Variants in PELO observed in about 807,000 individuals in gnomAD.
PELO encodes pelota mRNA surveillance and ribosome rescue factor.
Under a neutral mutation model 25.9 loss-of-function variants are expected in PELO, and 19 were observed. The ratio of observed to expected loss-of-function variants is 0.73; its 90% CI spans 0.51 to 1.08. The LOEUF (loss-of-function observed/expected upper bound fraction) is 1.08, where lower values mean the gene tolerates loss of function less well. Among genes scored for constraint, PELO ranks in the 50% least tolerant of loss-of-function variants. The pLI is 0.00. For synonymous variants in PELO, 196 were observed against 192.2 expected, an observed-to-expected ratio of 1.02 and a Z score of -0.16; for missense variants, 498 against 491.4, an observed-to-expected ratio of 1.01 and a Z score of -0.13.
rs150767441 is a variant in PELO, at chr5:52,800,730, G to C, written c.336G>C (p.Leu112=). 2.0e-4 allele frequency: 322 copies of C among 1,614,104 alleles called. No homozygotes were observed. Among genetic ancestry groups the C allele is most frequent in the Non-Finnish European group, 2.6e-4 (302 of 1,180,044 alleles). Reference sequence around the variant, plus strand: ...TGGAGCCCAACCGCCAGTTCACCCTGGCCAAGAAGCAGTGGGATAGTGTGG... The same window carrying C: ...TGGAGCCCAACCGCCAGTTCACCCTCGCCAAGAAGCAGTGGGATAGTGTGG... ...IELEPNRQFT[L]AKKQWDSVVL... is the part of the protein sequence containing the mutation. The change falls in exon 2 of 3, where the codon CTG becomes CTC. Residue 112 remains leucine, a synonymous_variant. Coordinates refer to ENST00000274311, the MANE Select transcript of PELO (RefSeq NM_015946.5).
Position 52,800,641 on chromosome 5 carries a change from G to A in PELO, c.247G>A (p.Val83Ile). The change falls in exon 2 of 3, where the codon GTT becomes ATT. Residue 83 changes from valine (V) to isoleucine (I), a missense_variant. Coordinates refer to ENST00000274311, the MANE Select transcript of PELO (RefSeq NM_015946.5). ...CGACTCTCAAGCCTGCCAGCTGCGG[G>A]TTAAGGGGACCAACATCCAAGAGAA... ...DFDSQACQLR[V>I]KGTNIQENEY... 6.2e-7 allele frequency: 1 copy of A among 1,614,148 alleles called. No homozygotes were observed. Among genetic ancestry groups the A allele is most frequent in the Non-Finnish European group, 8.5e-7 (1 of 1,180,010 alleles).
intron 1 of PELO, among the ~76,000 whole-genome samples, chr5:52,791,306 G>C (rs1748234271): frequency 6.6e-6 from 1 of 152,136 alleles, no homozygotes; most frequent in African/African-American, 2.4e-5. Flanking sequence ...AAAAGAACCT[G>C]AAGCAAGGTG....
chr5:52,792,911 C>G (rs1327238814), intron 1 of PELO, among the ~76,000 whole-genome samples: 1 of 152,126 alleles, frequency 6.6e-6, no homozygotes, highest in Non-Finnish European at 1.5e-5. Context: ...AAAGCAAGTA[C>G]AGTAGAGTAT....
chr5:52,803,365 T>C lies in PELO; in HGVS notation c.*1525T>C, dbSNP rs1049920449. 1.3e-5 allele frequency: 2 copies of C among 152,216 alleles called. No homozygotes were observed. Among genetic ancestry groups the C allele is most frequent in the African/African-American group, 4.8e-5 (2 of 41,456 alleles). The allele number at this position is 152,216 out of a possible 1,614,324, so 9.4% of individuals were successfully genotyped here. ...TACTATCAAATATGTTACTAAATAATTTAATAAGAATATAGAAATGAAGCC... is the reference window on the plus strand; with the variant it reads ...TACTATCAAATATGTTACTAAATAACTTAATAAGAATATAGAAATGAAGCC... On this transcript the variant is annotated 3_prime_UTR_variant, in exon 3 of 3. Coordinates refer to ENST00000274311, the MANE Select transcript of PELO (RefSeq NM_015946.5).
At chr5:52,799,109 G>C (rs1447528791) in intron 1 of PELO, among the ~76,000 whole-genome samples, 1 of 152,136 alleles carries the variant, frequency 6.6e-6, no homozygotes, top group African/African-American at 2.4e-5. Flanking sequence ...AGAAAAGACA[G>C]TGAGAAGCTA....
intron 1 of PELO, among the ~76,000 whole-genome samples, chr5:52,791,224 G>C (rs1225950838): frequency 6.6e-6 from 1 of 152,328 alleles, no homozygotes; most frequent in East Asian, 1.9e-4. Flanking sequence ...GTTTCATAAA[G>C]TGACAGTTTA....
At chr5:52,799,287 G>T (rs573360244) in intron 1 of PELO, among the ~76,000 whole-genome samples, 1 of 152,284 alleles carries the variant, frequency 6.6e-6, no homozygotes, top group South Asian at 2.1e-4. Context: ...AAATTATGTA[G>T]CTATTCAATC....
rs1020838450 is a variant in PELO at position 52,800,333 on chromosome 5, C to T, written c.-62C>T. ...TGGCCTGCATTCCCATCCCCTCTCC[C>T]GGGGCGGAGGTGAGGACCTCCTTGG... On this transcript the variant is annotated 5_prime_UTR_variant, in exon 2 of 3. Transcript: ENST00000274311. The T allele has an allele frequency of 1.8e-5, 29 of 1,589,164 alleles. No homozygotes were observed. In the East Asian group the frequency reaches 4.7e-4, roughly 26 times the overall value.
At chr5:52,791,562 C>T (rs11750032) in intron 1 of PELO, among the ~76,000 whole-genome samples, 9,583 of 152,270 alleles carry the variant, frequency 0.063, 384 homozygotes, top group Non-Finnish European at 0.082. Flanking sequence ...ATCCAACCTT[C>T]CAGAGAACAA....
Position 52,788,309 on chromosome 5 carries a change from C to T in PELO, c.-616C>T. The T allele has an allele frequency of 6.9e-7, 1 of 1,459,746 alleles. No homozygotes were observed. Among genetic ancestry groups the T allele is most frequent in the Non-Finnish European group, 9.1e-7 (1 of 1,104,470 alleles). The allele number at this position is 1,459,746 out of a possible 1,614,324, so 90.4% of individuals were successfully genotyped here. A position where few individuals can be genotyped will look rare whatever the true frequency, so the allele number is the denominator to read the frequency against. Reference sequence around the variant, plus strand: ...AGCGCAGCTCCCGCGCCCGGTCCTGCCCTGCGAACCAGCGCGGCCCCCTGG... The same window carrying T: ...AGCGCAGCTCCCGCGCCCGGTCCTGTCCTGCGAACCAGCGCGGCCCCCTGG... On this transcript the variant is annotated 5_prime_UTR_variant, in exon 1 of 3. Coordinates refer to ENST00000274311, the MANE Select transcript of PELO (RefSeq NM_015946.5).
Position 52,788,360 on chromosome 5 carries a change from C to G in PELO, c.-565C>G, listed in dbSNP as rs1748166570. 1 of 1,510,152 alleles carries G rather than the reference C, an allele frequency of 6.6e-7. No individual in the cohort carries two copies. Among genetic ancestry groups the G allele is most frequent in the Non-Finnish European group, 8.8e-7 (1 of 1,133,752 alleles). 93.5% of individuals were successfully genotyped at this position (1,510,152 alleles called of 1,614,324 possible). ...CGCTGAGGCTGCTCCGGCCATGGCCCCTCGGCCCCGCGCCCGCCCAGGGGT... is the reference window on the plus strand; with the variant it reads ...CGCTGAGGCTGCTCCGGCCATGGCCGCTCGGCCCCGCGCCCGCCCAGGGGT... On this transcript the variant is annotated 5_prime_UTR_variant, in exon 1 of 3. Coordinates refer to ENST00000274311, the MANE Select transcript of PELO (RefSeq NM_015946.5).
Position 52,803,564 on chromosome 5 carries a change from T to C in PELO, c.*1724T>C, listed in dbSNP as rs935163058. 4.6e-5 allele frequency: 7 copies of C among 152,240 alleles called. No homozygotes were observed. The highest frequency in any genetic ancestry group is 1.0e-4 in the Non-Finnish European group (7 of 68,046). The allele number at this position is 152,240 out of a possible 1,614,324, so 9.4% of individuals were successfully genotyped here. On this transcript the variant is annotated 3_prime_UTR_variant, in exon 3 of 3. Coordinates refer to ENST00000274311, the MANE Select transcript of PELO (RefSeq NM_015946.5). ...AATTTAGCTACCTGTTCACCTCAAC[T>C]TGAGAGCTCTTAAAACCCTCAGTGT...
intron 2 of PELO, 42 bp from the exon 3 acceptor site, chr5:52,801,367 C>A: frequency 6.6e-7 from 1 of 1,515,446 alleles, no homozygotes; most frequent in South Asian, 1.2e-5. Context: ...AATGGGTGTT[C>A]TAGGAGATTA....
At chr5:52,788,438 G>A (rs372461781) in intron 1 of PELO, 24 bp downstream of exon 1, 3 of 1,491,786 alleles carry the variant, frequency 2.0e-6, no homozygotes, top group African/African-American at 2.9e-5. Flanking sequence ...TTTTCTCTGA[G>A]CATCTCCTGC....
At chr5:52,801,235 T>G in intron 2 of PELO, 115 bp downstream of exon 2, 3 of 1,215,448 alleles carry the variant, frequency 2.5e-6, no homozygotes, top group Non-Finnish European at 2.3e-6. Flanking sequence ...TTAGCTGGGA[T>G]TTTCATGAGA....
chr5:52,795,865 T>G (rs951034486), intron 1 of PELO, among the ~76,000 whole-genome samples: 11 of 152,036 alleles, frequency 7.2e-5, no homozygotes, highest in African/African-American at 2.4e-4. Context: ...ATTAGCTTTA[T>G]TGCGGTCTGG....
intron 1 of PELO, among the ~76,000 whole-genome samples, chr5:52,798,025 TTCTC>T (rs766405601): frequency 5.9e-5 from 9 of 152,184 alleles, no homozygotes; most frequent in Admixed American, 4.6e-4. Context: ...TATCTCCTCA[TTCTC>T]TCTCTCTTTC....
At chr5:52,793,714 T>C (rs1748285915) in intron 1 of PELO, among the ~76,000 whole-genome samples, 1 of 152,034 alleles carries the variant, frequency 6.6e-6, no homozygotes, top group Non-Finnish European at 1.5e-5. Flanking sequence ...TCAGTTCTCT[T>C]CAAGTGCCAA....
chr5:52,801,182 TA>T (rs1464576842), intron 2 of PELO, 62 bp downstream of exon 2: 9 of 1,461,762 alleles, frequency 6.2e-6, no homozygotes, highest in Non-Finnish European at 8.3e-6. Context: ...AAACTACTCC[TA>T]AAGTTTTAGA....
Sources: gnomAD v4.1 joint callset for allele counts (sites outside exome capture counted in the v4.1 genomes callset) on GRCh38, gnomAD v4.1.1 for gene constraint, MANE v1.5 for transcripts, NCBI Gene and HGNC (gene_info 2026-07-23, HGNC 2026-07-21) for gene names.